The following CLINT1 variants were observed in gnomAD, a reference collection of about 807,000 sequenced individuals.
The protein encoded by CLINT1 is clathrin interacting protein localized in the trans-Golgi region.
A neutral mutation model predicts 70.4 loss-of-function variants in CLINT1; 15 were observed. That is an observed-to-expected ratio of 0.21 (90% CI 0.14 to 0.33). The LOEUF (loss-of-function observed/expected upper bound fraction) is 0.33. CLINT1 is among the 10% of genes least tolerant of loss of function. CLINT1 has a pLI of 1.00. For missense variants in CLINT1, 615 were observed against 778.1 expected, an observed-to-expected ratio of 0.79 and a Z score of 2.49; for synonymous variants, 227 against 254.7, an observed-to-expected ratio of 0.89 and a Z score of 1.04.
rs1762753935 is a variant in CLINT1 at position 157,817,443 on chromosome 5, T to C, written c.146A>G (p.Lys49Arg). 1 of 1,581,522 alleles carries C rather than the reference T, an allele frequency of 6.3e-7. No individual in the cohort carries two copies. The highest frequency in any genetic ancestry group is 1.3e-5 in the African/African-American group (1 of 74,572). The change falls in exon 2 of 12, where the codon AAG (lysine) becomes AGG (arginine). Residue 49 changes from lysine to arginine, a missense_variant and splice_region_variant. Coordinates refer to ENST00000411809, the MANE Select transcript of CLINT1 (RefSeq NM_014666.4). ...PSGQLMGEIA[K>R]ATFMYEQFPE... ...ACTGCTGAGTCAAATTATCACTTAC[T>C]TGGCAATCTCTCCCATGAGTTGCCC...
At chr5:157,835,806 C>T (rs1038564383) in intron 1 of CLINT1, among the ~76,000 whole-genome samples, 1 of 152,052 alleles carries the variant, frequency 6.6e-6, no homozygotes, top group Non-Finnish European at 1.5e-5. Flanking sequence ...ACTCAATGAC[C>T]CCTTGCCAAG....
intron 1 of CLINT1, among the ~76,000 whole-genome samples, chr5:157,840,680 A>G (rs559408580): frequency 6.6e-6 from 1 of 151,984 alleles, no homozygotes; most frequent in Non-Finnish European, 1.5e-5. Context: ...ATGTGGATAA[A>G]AAGTATACAT....
At chr5:157,850,209 C>T (rs1362028889) in intron 1 of CLINT1, among the ~76,000 whole-genome samples, 5 of 152,152 alleles carry the variant, frequency 3.3e-5, no homozygotes, top group South Asian at 2.1e-4. Flanking sequence ...GAATCCCTCT[C>T]GCTGCTGAGT....
intron 10 of CLINT1, among the ~76,000 whole-genome samples, chr5:157,790,898 G>A (rs769189040): frequency 2.6e-5 from 4 of 152,154 alleles, no homozygotes; most frequent in Non-Finnish European, 5.9e-5. Flanking sequence ...ATATAATGTA[G>A]AGCAGGTCCA....
At chr5:157,845,333 A>G (rs1753332885) in intron 1 of CLINT1, among the ~76,000 whole-genome samples, 1 of 152,034 alleles carries the variant, frequency 6.6e-6, no homozygotes, top group African/African-American at 2.4e-5. Flanking sequence ...TGGGCGGCAG[A>G]GTAAGCCTCC....
chr5:157,792,056 A>G, intron 9 of CLINT1, 61 bp from the exon 10 acceptor site: 1 of 1,459,476 alleles, frequency 6.9e-7, no homozygotes, highest in African/African-American at 1.4e-5. Context: ...CAAATGTAAC[A>G]ATCTATGAAC....
Position 157,858,915 on chromosome 5 carries a change from C to A in CLINT1, c.41+15G>T, listed in dbSNP as rs1397708833. ...CCCACGTGGGCCTCGGCCACAACTG[C>A]CCCCCGATACTCACGCTTTGTCCAC... On this transcript the variant is annotated intron_variant, in intron 1 of 11. Transcript: ENST00000411809. 1.5e-6 allele frequency: 2 copies of A among 1,320,346 alleles called. No individual in the cohort carries two copies. Among genetic ancestry groups the A allele is most frequent in the African/African-American group, 3.1e-5 (2 of 65,390 alleles). 81.8% of individuals were successfully genotyped at this position (1,320,346 alleles called of 1,614,324 possible). A position where few individuals can be genotyped will look rare whatever the true frequency, so the allele number is the denominator to read the frequency against.
intron 1 of CLINT1, among the ~76,000 whole-genome samples, chr5:157,855,609 C>A (rs967861106): frequency 6.6e-6 from 1 of 152,130 alleles, no homozygotes; most frequent in Non-Finnish European, 1.5e-5. Flanking sequence ...GGAGGTGCAG[C>A]GATTGTGGAA....
chr5:157,845,786 C>A (rs1012932789), intron 1 of CLINT1, among the ~76,000 whole-genome samples: 26 of 152,236 alleles, frequency 1.7e-4, no homozygotes, highest in Admixed American at 1.5e-3. Context: ...GATCTCCTGA[C>A]CTCGTGATCC....
chr5:157,827,663 A>G (rs575255293), intron 1 of CLINT1, among the ~76,000 whole-genome samples: 2 of 152,348 alleles, frequency 1.3e-5, no homozygotes, highest in South Asian at 2.1e-4. Flanking sequence ...CCTGATGTCC[A>G]TAACTAAATT....
Position 157,809,758 on chromosome 5 carries a change from C to G in CLINT1, c.565G>C (p.Asp189His). The G allele has an allele frequency of 6.2e-7, 1 of 1,613,348 alleles. No homozygotes were observed. The highest frequency in any genetic ancestry group is 8.5e-7 in the Non-Finnish European group (1 of 1,179,544). The change falls in exon 6 of 12, where the codon GAT (aspartate) becomes CAT (histidine). Residue 189 changes from aspartate to histidine, a missense_variant. By Grantham distance (81) the Asp-to-His change is moderately conservative. Transcript: ENST00000411809. ...AATGGAAAAGCACTCTTGTTTTTATCCCACTCCTCATCCCATTTTGATTTG... is the reference window on the plus strand; with the variant it reads ...AATGGAAAAGCACTCTTGTTTTTATGCCACTCCTCATCCCATTTTGATTTG... Reference protein sequence around the residue: ...EPKSKWDEEWDKNKSAFPFSD... With the variant: ...EPKSKWDEEWHKNKSAFPFSD...
At chr5:157,823,869 T>G (rs1265800738) in intron 1 of CLINT1, 6 of 166,326 alleles carry the variant, frequency 3.6e-5, no homozygotes, top group Non-Finnish European at 6.2e-5. Flanking sequence ...CTCTGCCTCC[T>G]GTCAGATCAG....
intron 1 of CLINT1, among the ~76,000 whole-genome samples, chr5:157,854,312 A>G (rs1753675782): frequency 6.6e-6 from 1 of 152,194 alleles, no homozygotes. Context: ...GACCAGGCGC[A>G]ATGGCTCCCG....
In CLINT1 at chr5:157,838,279, C is replaced by T. The variant is rs1025196806; in HGVS notation, c.41+20651G>A. Among the ~76,000 whole-genome samples, 13 of 152,074 alleles carry T rather than the reference C, an allele frequency of 8.5e-5. No homozygotes were observed. The East Asian group carries it at 2.1e-3, about 25-fold the overall frequency. On this transcript the variant is annotated intron_variant, in intron 1 of 11. Transcript: ENST00000411809. ...CTGGGATTGCAGGCACCTGCCACCACGCCCAGCTAATTTTTGTATTTTTAG... is the reference window on the plus strand; with the variant it reads ...CTGGGATTGCAGGCACCTGCCACCATGCCCAGCTAATTTTTGTATTTTTAG...
chr5:157,836,879 T>C (rs988810655), intron 1 of CLINT1, among the ~76,000 whole-genome samples: 3 of 152,212 alleles, frequency 2.0e-5, no homozygotes, highest in Non-Finnish European at 4.4e-5. Flanking sequence ...TAACACAGAA[T>C]GTATAATTAT....
At chr5:157,837,564 A>G (rs929162929) in intron 1 of CLINT1, among the ~76,000 whole-genome samples, 1 of 152,206 alleles carries the variant, frequency 6.6e-6, no homozygotes. Flanking sequence ...ACTCCTTATA[A>G]TATCTGAAGA....
At chr5:157,843,973 G>A (rs754993914) in intron 1 of CLINT1, among the ~76,000 whole-genome samples, 3 of 152,012 alleles carry the variant, frequency 2.0e-5, no homozygotes, top group Non-Finnish European at 4.4e-5. Context: ...GTATATAACT[G>A]TAAAAAACCT....
chr5:157,831,153 C>T (rs766251361), intron 1 of CLINT1, among the ~76,000 whole-genome samples: 32 of 150,986 alleles, frequency 2.1e-4, no homozygotes, highest in Non-Finnish European at 4.1e-4. Flanking sequence ...ATTTAATAAC[C>T]TTATGTTAAA....
intron 1 of CLINT1, among the ~76,000 whole-genome samples, chr5:157,854,752 G>A (rs1295198277): frequency 1.3e-5 from 2 of 152,094 alleles, no homozygotes; most frequent in East Asian, 1.9e-4. Flanking sequence ...ACTTATGAGG[G>A]AAAATGCAAG....
Sources: gnomAD v4.1 joint callset for allele counts (sites outside exome capture counted in the v4.1 genomes callset) on GRCh38, gnomAD v4.1.1 for gene constraint, MANE v1.5 for transcripts, NCBI Gene and HGNC (gene_info 2026-07-23, HGNC 2026-07-21) for gene names.